The following KCNB2 variants were observed in gnomAD, a reference collection of about 807,000 sequenced individuals.
KCNB2 encodes potassium voltage-gated channel subfamily B member 2.
Under a neutral mutation model 61.5 loss-of-function variants are expected in KCNB2, and 15 were observed. That is an observed-to-expected ratio of 0.24 (90% CI 0.16 to 0.38). The LOEUF (loss-of-function observed/expected upper bound fraction) is 0.38, where lower values mean the gene tolerates loss of function less well. Ranked by LOEUF, KCNB2 falls within the 10% of genes least tolerant of loss-of-function variation. KCNB2 has a pLI of 1.00. For synonymous variants in KCNB2, 457 were observed against 446.0 expected, an observed-to-expected ratio of 1.02 and a Z score of -0.31; for missense variants, 828 against 1,125.2, an observed-to-expected ratio of 0.74 and a Z score of 3.78.
intron 2 of KCNB2, among the ~76,000 whole-genome samples, chr8:72,882,625 G>C (rs1805735722): frequency 6.6e-6 from 1 of 151,604 alleles, no homozygotes; most frequent in Non-Finnish European, 1.5e-5. Flanking sequence ...GACCCAGTCG[G>C]TCGTGGGATT....
intron 2 of KCNB2, among the ~76,000 whole-genome samples, chr8:72,816,931 A>G (rs1809405078): frequency 6.6e-6 from 1 of 152,146 alleles, no homozygotes; most frequent in Non-Finnish European, 1.5e-5. Flanking sequence ...GAAAACGTCC[A>G]GGTCTTTCTG....
chr8:72,936,990 T>C lies in KCNB2; in HGVS notation c.1635T>C (p.Asn545=). Reference sequence around the variant, plus strand: ...CCCAGAAACTGGAGATGCTATACAATGAAATCACCAAGACACAGCCTCATT... The same window carrying C: ...CCCAGAAACTGGAGATGCTATACAACGAAATCACCAAGACACAGCCTCATT... ...LSAQKLEMLY[N]EITKTQPHSH... is the part of the protein sequence containing the mutation. Residue 545 remains asparagine, a synonymous_variant, in exon 3 of 3, where the codon AAT becomes AAC. Coordinates refer to ENST00000523207, the MANE Select transcript of KCNB2 (RefSeq NM_004770.3). The surrounding 1 kb of genome is among the most constrained non-coding windows in gnomAD (Gnocchi z 5.6). 6.2e-7 allele frequency: 1 copy of C among 1,614,014 alleles called. No individual in the cohort carries two copies. Among genetic ancestry groups the C allele is most frequent in the Non-Finnish European group, 8.5e-7 (1 of 1,179,992 alleles).
chr8:72,920,174 CATTT>C (rs1189570245), intron 2 of KCNB2, among the ~76,000 whole-genome samples: 1 of 151,668 alleles, frequency 6.6e-6, no homozygotes, highest in African/African-American at 2.4e-5. Flanking sequence ...GCTCAATAAA[CATTT>C]ACTTAATCAA....
chr8:72,595,033 G>A (rs923636039), intron 2 of KCNB2, among the ~76,000 whole-genome samples: 1 of 152,146 alleles, frequency 6.6e-6, no homozygotes, highest in Admixed American at 6.5e-5. Flanking sequence ...TTCATAGTTT[G>A]AAAGTTCCTG....
At chr8:72,595,125 A>G (rs1416876538) in intron 2 of KCNB2, among the ~76,000 whole-genome samples, 2 of 151,894 alleles carry the variant, frequency 1.3e-5, no homozygotes, top group Admixed American at 6.6e-5. Context: ...GCCATTAGCA[A>G]CAAGTCCTAA....
At chr8:72,773,434 G>A (rs935829151) in intron 2 of KCNB2, among the ~76,000 whole-genome samples, 9 of 152,214 alleles carry the variant, frequency 5.9e-5, no homozygotes, top group African/African-American at 1.9e-4. Context: ...TGTAGAGGCT[G>A]TGTGGGTCTC....
chr8:72,646,308 A>G (rs1255450794), intron 2 of KCNB2, among the ~76,000 whole-genome samples: 4 of 152,046 alleles, frequency 2.6e-5, no homozygotes, highest in Non-Finnish European at 5.9e-5. Context: ...ACATTTTATA[A>G]TCCGTATATT....
At chr8:72,713,894 AG>A (rs1366664812) in intron 2 of KCNB2, among the ~76,000 whole-genome samples, 1 of 152,216 alleles carries the variant, frequency 6.6e-6, no homozygotes, top group Admixed American at 6.5e-5. Flanking sequence ...ACAATGGCAA[AG>A]AAGTTAAAAA....
In KCNB2 at chr8:72,763,566, CA is replaced by C. The variant is rs200024618; in HGVS notation, c.580-172368del. Among the ~76,000 whole-genome samples, 283 of 152,270 alleles carry C rather than the reference CA, an allele frequency of 1.9e-3. 4 individuals carry two copies. In the East Asian group the frequency reaches 0.026, roughly 14 times the overall value. ...GAAACACAAAACCCAAGGAGAGAGG[CA>C]CCATTTGGTTGTGATTATTTAAAAC... On this transcript the variant is annotated intron_variant, in intron 2 of 2. Transcript: ENST00000523207.
chr8:72,756,296 C>A (rs1808288595), intron 2 of KCNB2, among the ~76,000 whole-genome samples: 1 of 152,170 alleles, frequency 6.6e-6, no homozygotes, highest in African/African-American at 2.4e-5. Context: ...CTCCCTATAC[C>A]CTGTCCCATC....
rs928222677 is a variant in KCNB2 at position 72,537,228 on chromosome 8, G to A, written c.-751G>A. 1.1e-4 allele frequency among the ~76,000 whole-genome samples: 16 copies of A among 151,228 alleles called. No individual in the cohort carries two copies. The highest frequency in any genetic ancestry group is 6.9e-3 in the Middle Eastern group (2 of 290). ...GGAGCGGGAGGCTGGGGTGGCCGCA[G>A]CCCTGTGTGCGCGCCGGGCCGGCTA... is the stretch of plus-strand genomic sequence containing the variant. On this transcript the variant is annotated 5_prime_UTR_variant, in exon 1 of 3. Coordinates refer to ENST00000523207, the MANE Select transcript of KCNB2 (RefSeq NM_004770.3).
chr8:72,780,557 C>G (rs935517401), intron 2 of KCNB2, among the ~76,000 whole-genome samples: 1 of 152,068 alleles, frequency 6.6e-6, no homozygotes, highest in Admixed American at 6.6e-5. Context: ...TCCAAAGTTT[C>G]TTAATGATTA....
At chr8:72,684,019 T>A (rs1297887512) in intron 2 of KCNB2, among the ~76,000 whole-genome samples, 1 of 152,226 alleles carries the variant, frequency 6.6e-6, no homozygotes, top group Non-Finnish European at 1.5e-5. Flanking sequence ...AGTCTGCTGA[T>A]GAGGCAGTGG....
intron 1 of KCNB2, among the ~76,000 whole-genome samples, chr8:72,544,028 A>C (rs1390189185): frequency 3.3e-5 from 5 of 152,218 alleles, no homozygotes; most frequent in African/African-American, 1.2e-4. Context: ...TAGTGGGCAC[A>C]ATTTGATGAT....
intron 2 of KCNB2, among the ~76,000 whole-genome samples, chr8:72,801,007 A>G (rs1809116811): frequency 6.6e-6 from 1 of 152,176 alleles, no homozygotes; most frequent in East Asian, 1.9e-4. Flanking sequence ...TGTTTCCTGT[A>G]TGAGATGGTT....
At chr8:72,539,024 C>A (rs1052434558) in intron 1 of KCNB2, among the ~76,000 whole-genome samples, 1 of 151,998 alleles carries the variant, frequency 6.6e-6, no homozygotes, top group African/African-American at 2.4e-5. Context: ...TCTAAAGTTA[C>A]ATATCAAGAA....
At chr8:72,732,674 A>G (rs1807767055) in intron 2 of KCNB2, among the ~76,000 whole-genome samples, 1 of 152,194 alleles carries the variant, frequency 6.6e-6, no homozygotes. Context: ...TGGGGAAAGG[A>G]GTAGGTTGCA....
At chr8:72,558,716 G>A (rs980150380) in intron 1 of KCNB2, among the ~76,000 whole-genome samples, 1 of 152,138 alleles carries the variant, frequency 6.6e-6, no homozygotes, top group Admixed American at 6.6e-5. Flanking sequence ...TGCCCTCCAG[G>A]AACTTAGAAT....
At chr8:72,579,981 G>A (rs1431655) in intron 2 of KCNB2, among the ~76,000 whole-genome samples, 20,258 of 152,212 alleles carry the variant, frequency 0.13, 1,700 homozygotes, top group East Asian at 0.48. Context: ...AACAGCAGGA[G>A]GGGAGAGATT....
Sources: allele counts gnomAD v4.1 joint callset (sites outside exome capture counted in the v4.1 genomes callset), GRCh38; gene constraint gnomAD v4.1.1; non-coding constraint Gnocchi (gnomAD v3.1); transcripts MANE v1.5; gene names NCBI Gene and HGNC (gene_info 2026-07-23, HGNC 2026-07-21).